SEMA5A: variants seen among roughly 807,000 people sequenced by gnomAD.
SEMA5A encodes semaphorin-5A.
Under a neutral mutation model 135.5 loss-of-function variants are expected in SEMA5A, and 55 were observed. The ratio of observed to expected loss-of-function variants is 0.41; its 90% CI spans 0.33 to 0.51. The LOEUF (loss-of-function observed/expected upper bound fraction) is 0.51. Among genes scored for constraint, SEMA5A ranks in the 20% least tolerant of loss-of-function variants. The probability of loss-of-function intolerance (pLI) is 0.37; values close to 1 mark genes in which losing one functional copy is unlikely to be tolerated. For missense variants in SEMA5A, 1,290 were observed against 1,419.9 expected (o/e 0.91, Z 1.47); for synonymous variants, 580 against 546.5 (o/e 1.06, Z -0.85).
At chr5:9,091,706 C>T (rs1468168254) in intron 16 of SEMA5A, among the ~76,000 whole-genome samples, 1 of 152,186 alleles carries the variant, frequency 6.6e-6, no homozygotes, top group Non-Finnish European at 1.5e-5. Flanking sequence ...TCACATAAAC[C>T]ATGAGGGCTC....
chr5:9,212,771 A>T (rs1746408193), intron 8 of SEMA5A, among the ~76,000 whole-genome samples: 1 of 152,212 alleles, frequency 6.6e-6, no homozygotes, highest in African/African-American at 2.4e-5. Context: ...TATGTTTCAG[A>T]CACTGAGTAA....
At chr5:9,468,522 T>C (rs918134822) in intron 1 of SEMA5A, among the ~76,000 whole-genome samples, 1 of 152,048 alleles carries the variant, frequency 6.6e-6, no homozygotes, top group African/African-American at 2.4e-5. Flanking sequence ...AAATATGAAA[T>C]GGTAAAAAGA....
At chr5:9,123,258 CAAAAAAAAAAAAAAAAAA>C (rs57533658) in intron 13 of SEMA5A, among the ~76,000 whole-genome samples, 2,172 of 38,930 alleles carry the variant, frequency 0.056, 92 homozygotes, top group African/African-American at 0.11. Flanking sequence ...GACTCCGCCT[CAAAAAAAAAAAAAAAAAA>C]AAAAAAAAAA....
At chr5:9,171,414 G>A (rs1394917249) in intron 11 of SEMA5A, among the ~76,000 whole-genome samples, 1 of 152,180 alleles carries the variant, frequency 6.6e-6, no homozygotes, top group Non-Finnish European at 1.5e-5. Flanking sequence ...AGGGGCAGGA[G>A]TGACAAGTTT....
At chr5:9,179,980 T>A (rs1007023177) in intron 11 of SEMA5A, among the ~76,000 whole-genome samples, 2 of 152,196 alleles carry the variant, frequency 1.3e-5, no homozygotes, top group Non-Finnish European at 2.9e-5. Flanking sequence ...TTCTTAAGAA[T>A]CTGGGTGGAA....
intron 4 of SEMA5A, among the ~76,000 whole-genome samples, chr5:9,334,251 T>C (rs1027956288): frequency 2.0e-5 from 3 of 152,258 alleles, no homozygotes; most frequent in Non-Finnish European, 4.4e-5. Context: ...TTTTCACAAC[T>C]CATATTTTTA....
intron 17 of SEMA5A, among the ~76,000 whole-genome samples, chr5:9,065,848 C>A (rs1737436072): frequency 1.3e-5 from 2 of 152,190 alleles, no homozygotes; most frequent in Non-Finnish European, 1.5e-5. Context: ...TAGGGCCAGG[C>A]AGAGGCCAGA....
intron 8 of SEMA5A, among the ~76,000 whole-genome samples, chr5:9,213,986 G>T: frequency 6.6e-6 from 1 of 151,396 alleles, no homozygotes; most frequent in East Asian, 1.9e-4. Context: ...GGGGGAAAGT[G>T]CAACTTGAAC....
chr5:9,223,196 A>C (rs532004172), intron 8 of SEMA5A, among the ~76,000 whole-genome samples: 63 of 152,314 alleles, frequency 4.1e-4, no homozygotes, highest in African/African-American at 1.5e-3. Context: ...AAAACAATTC[A>C]TGTTTCCCTT....
At chr5:9,490,036 C>A (rs1159505921) in intron 1 of SEMA5A, among the ~76,000 whole-genome samples, 2 of 152,118 alleles carry the variant, frequency 1.3e-5, no homozygotes, top group African/African-American at 4.8e-5. Flanking sequence ...GAAAATGATT[C>A]TTATCTACTC....
intron 1 of SEMA5A, among the ~76,000 whole-genome samples, chr5:9,509,624 C>T (rs1736097979): frequency 6.6e-6 from 1 of 152,110 alleles, no homozygotes; most frequent in South Asian, 2.1e-4. Context: ...AGCCTCAGAG[C>T]CCCTGCAATA....
At chr5:9,082,596 A>G (rs1429557781) in intron 16 of SEMA5A, among the ~76,000 whole-genome samples, 1 of 152,160 alleles carries the variant, frequency 6.6e-6, no homozygotes, top group Admixed American at 6.6e-5. Context: ...TAGTTCCTCC[A>G]CTTTCTCATC....
chr5:9,279,120 G>A (rs1194557982), intron 5 of SEMA5A, among the ~76,000 whole-genome samples: 2 of 152,354 alleles, frequency 1.3e-5, no homozygotes, highest in African/African-American at 2.4e-5. Context: ...CAGCCAAGGG[G>A]CGTGTACCCT....
At chr5:9,203,920 A>G (rs1323072532) in intron 8 of SEMA5A, among the ~76,000 whole-genome samples, 1 of 152,048 alleles carries the variant, frequency 6.6e-6, no homozygotes, top group Non-Finnish European at 1.5e-5. Flanking sequence ...TCACAAAAAC[A>G]GCAGATTACA....
chr5:9,110,855 C>G (rs547915439), intron 15 of SEMA5A, among the ~76,000 whole-genome samples: 1 of 152,230 alleles, frequency 6.6e-6, no homozygotes, highest in Admixed American at 6.5e-5. Context: ...GTCCTATTCT[C>G]AGAGCTCAGG....
At chr5:9,146,461 G>A (rs189951255) in intron 12 of SEMA5A, among the ~76,000 whole-genome samples, 6 of 152,278 alleles carry the variant, frequency 3.9e-5, no homozygotes, top group Admixed American at 3.9e-4. Flanking sequence ...CATAAGTGGT[G>A]ATTAATTCCC....
At chr5:9,508,692 C>T in intron 1 of SEMA5A, among the ~76,000 whole-genome samples, 1 of 152,128 alleles carries the variant, frequency 6.6e-6, no homozygotes, top group East Asian at 1.9e-4. Flanking sequence ...AAGTCCCCTG[C>T]TTACCACCGT....
intron 3 of SEMA5A, among the ~76,000 whole-genome samples, chr5:9,354,948 T>G (rs1754376081): frequency 6.6e-6 from 1 of 151,822 alleles, no homozygotes; most frequent in Non-Finnish European, 1.5e-5. Flanking sequence ...AGGACAGGAG[T>G]GTAACGAGAG....
chr5:9,048,015 C>CCAGCTCTGCTAGTACACAAATACAAA (rs1404892866), intron 21 of SEMA5A, among the ~76,000 whole-genome samples: 2 of 152,218 alleles, frequency 1.3e-5, no homozygotes, highest in East Asian at 3.9e-4. Context: ...AAATACCTAG[C>CCAGCTCTGCTAGTACACAAATACAAA]CAGCTCTGCT....
Sources: gnomAD v4.1 joint callset for allele counts (sites outside exome capture counted in the v4.1 genomes callset) on GRCh38, gnomAD v4.1.1 for gene constraint, MANE v1.5 for transcripts, NCBI Gene and HGNC (gene_info 2026-07-23, HGNC 2026-07-21) for gene names.